The following LARS2 variants were observed in gnomAD, a reference collection of about 807,000 sequenced individuals.
LARS2 encodes leucyl-tRNA synthetase 2, mitochondrial.
In LARS2, 81 loss-of-function variants were observed where a neutral mutation model predicts 116.6. The ratio of observed to expected loss-of-function variants is 0.69; its 90% CI spans 0.58 to 0.84. LARS2 has a LOEUF of 0.84. LARS2 is among the 40% of genes least tolerant of loss of function. LARS2 has a pLI of 0.00. For synonymous variants in LARS2, 396 were observed against 407.2 expected (o/e 0.97, Z 0.33); for missense variants, 968 against 1,114.5 (o/e 0.87, Z 1.87).
chr3:45,501,849 A>G (rs966657739), intron 15 of LARS2, among the ~76,000 whole-genome samples: 31 of 149,804 alleles, frequency 2.1e-4, no homozygotes, highest in Middle Eastern at 3.4e-3. Flanking sequence ...GTACTATCCA[A>G]CTTTTAAATT....
At chr3:45,484,630 A>ATATATATATATATAT (rs1313520791) in intron 10 of LARS2, among the ~76,000 whole-genome samples, 3 of 9,744 alleles carry the variant, frequency 3.1e-4, no homozygotes, top group East Asian at 8.5e-3. Context: ...AAAAAAAAAA[A>ATATATATATATATAT]ATATATATAT....
At chr3:45,542,458 G>A (rs139054315) in intron 21 of LARS2, among the ~76,000 whole-genome samples, 1 of 152,288 alleles carries the variant, frequency 6.6e-6, no homozygotes, top group East Asian at 1.9e-4. Flanking sequence ...CCCTTTCTAA[G>A]AGCAAGTAAC....
intron 4 of LARS2, among the ~76,000 whole-genome samples, chr3:45,414,384 AT>A (rs1415750660): frequency 6.6e-6 from 1 of 152,180 alleles, no homozygotes; most frequent in Admixed American, 6.5e-5. Flanking sequence ...ATTTTCTTCT[AT>A]TTTTCTCTAC....
intron 5 of LARS2, among the ~76,000 whole-genome samples, 189 bp downstream of exon 5, chr3:45,417,762 G>T (rs577200221): frequency 6.6e-6 from 1 of 152,182 alleles, no homozygotes. Flanking sequence ...ATTCAGAGAG[G>T]GTTTTGGATA....
At chr3:45,454,616 A>T (rs1181351607) in intron 7 of LARS2, among the ~76,000 whole-genome samples, 1 of 152,234 alleles carries the variant, frequency 6.6e-6, no homozygotes, top group Non-Finnish European at 1.5e-5. Flanking sequence ...AAGGCTAGTT[A>T]ACTACAAAGG....
At position 45,458,891 on chromosome 3, in the gene LARS2, G is replaced by T; in HGVS notation, c.750+5G>T. On this transcript the variant is annotated splice_donor_5th_base_variant and intron_variant, in intron 8 of 21. Coordinates refer to ENST00000645846, the MANE Select transcript of LARS2 (RefSeq NM_015340.4). ...AAGACAACCGCTTATGCAAAGGTGA[G>T]TGTCAGCCTGGAGGCTCCCCACTAA... 6.2e-7 allele frequency: 1 copy of T among 1,613,832 alleles called. No individual in the cohort carries two copies. Among genetic ancestry groups the T allele is most frequent in the African/African-American group, 1.3e-5 (1 of 75,030 alleles).
At position 45,516,241 on chromosome 3, in the gene LARS2, C is replaced by T. The variant is rs1700368258; in HGVS notation, c.2009C>T (p.Ala670Val). 1 of 1,613,914 alleles carries T rather than the reference C, an allele frequency of 6.2e-7. No individual in the cohort carries two copies. Among genetic ancestry groups the T allele is most frequent in the East Asian group, 2.2e-5 (1 of 44,884 alleles). Residue 670 changes from alanine (A) to valine (V), a missense_variant, in exon 17 of 22, where the codon GCC (alanine) becomes GTC (valine). By Grantham distance (64) the Ala-to-Val change is moderately conservative. Coordinates refer to ENST00000645846, the MANE Select transcript of LARS2 (RefSeq NM_015340.4). ...DTIRLYILFA[A>V]PPEKDILWDV... ...ATTCGGCTCTACATCCTTTTTGCTG[C>T]CCCTCCTGAGAAGGATATCTTGTGG... is the stretch of plus-strand genomic sequence containing the variant.
chr3:45,406,383 A>C, intron 4 of LARS2, among the ~76,000 whole-genome samples: 1 of 152,204 alleles, frequency 6.6e-6, no homozygotes, highest in Non-Finnish European at 1.5e-5. Context: ...GTTCTGATGT[A>C]AGTGCTCTCC....
chr3:45,535,830 A>G (rs892818864), intron 20 of LARS2, among the ~76,000 whole-genome samples: 6 of 152,124 alleles, frequency 3.9e-5, no homozygotes, highest in East Asian at 1.9e-4. Flanking sequence ...AGCTCTGTGG[A>G]TTGCATTCAT....
chr3:45,451,584 C>G (rs1385558791), intron 7 of LARS2, among the ~76,000 whole-genome samples: 1 of 152,056 alleles, frequency 6.6e-6, no homozygotes, highest in African/African-American at 2.4e-5. Flanking sequence ...ATGGCAGTAC[C>G]ATGCTTTTTG....
chr3:45,467,258 T>C (rs771524318), intron 8 of LARS2, among the ~76,000 whole-genome samples: 2 of 152,180 alleles, frequency 1.3e-5, no homozygotes, highest in Non-Finnish European at 2.9e-5. Flanking sequence ...AGGAAGCAAA[T>C]AGTCATTAAC....
At chr3:45,478,931 T>G (rs943641994) in intron 10 of LARS2, among the ~76,000 whole-genome samples, 31 of 152,332 alleles carry the variant, frequency 2.0e-4, no homozygotes, top group Middle Eastern at 3.4e-3. Flanking sequence ...CCTTTGGGAT[T>G]ACATTTTAAA....
chr3:45,440,202 T>A (rs1312126361), intron 6 of LARS2, among the ~76,000 whole-genome samples: 2 of 152,194 alleles, frequency 1.3e-5, no homozygotes, highest in African/African-American at 2.4e-5. Context: ...ATTGTTATTT[T>A]CTCTTTTAAG....
intron 7 of LARS2, 45 bp from the exon 8 acceptor site, chr3:45,458,698 A>AG: frequency 6.3e-7 from 1 of 1,595,924 alleles, no homozygotes. Flanking sequence ...AAAAAAAAAA[A>AG]GAGTACTCAC....
chr3:45,470,782 T>C (rs565826015), intron 8 of LARS2, among the ~76,000 whole-genome samples: 1 of 152,110 alleles, frequency 6.6e-6, no homozygotes, highest in Non-Finnish European at 1.5e-5. Flanking sequence ...TAGGGAAGTA[T>C]TGAGGAATTA....
chr3:45,496,132 T>TAA (rs1700007227), intron 13 of LARS2, 143 bp from the exon 14 acceptor site: 1 of 632,274 alleles, frequency 1.6e-6, no homozygotes, highest in Non-Finnish European at 2.8e-6. Context: ...GTGCTGGGAT[T>TAA]ACAAGCGTGA....
intron 7 of LARS2, among the ~76,000 whole-genome samples, chr3:45,457,941 A>C (rs1699240431): frequency 6.6e-6 from 1 of 152,198 alleles, no homozygotes; most frequent in Non-Finnish European, 1.5e-5. Context: ...CAGAGCTCAG[A>C]AGAGCTACCA....
intron 4 of LARS2, among the ~76,000 whole-genome samples, chr3:45,404,919 TCTTA>T (rs1260135676): frequency 1.3e-5 from 2 of 152,120 alleles, no homozygotes; most frequent in Non-Finnish European, 2.9e-5. Flanking sequence ...CCATTTAAAT[TCTTA>T]CTTCTACCAT....
Position 45,430,003 on chromosome 3 carries a change from C to CTTTTTTTTTTT in LARS2, c.516+10290_516+10300dup, listed in dbSNP as rs66989698. On this transcript the variant is annotated intron_variant, in intron 6 of 21. Transcript: ENST00000645846. ...AGGCATGAGCCACCATGCCCAGCCT[C>CTTTTTTTTTTT]TTTTTTTTTTTTTTTTTTTTTTTTT... 7.0e-5 allele frequency among the ~76,000 whole-genome samples: 4 copies of CTTTTTTTTTTT among 56,952 alleles called. 1 individual carries two copies. The highest frequency in any genetic ancestry group is 6.7e-4 in the East Asian group (1 of 1,496). The allele number at this position is 56,952 out of a possible 152,430, so 37.4% of individuals were successfully genotyped here.
Sources: allele counts gnomAD v4.1 joint callset (sites outside exome capture counted in the v4.1 genomes callset), GRCh38; gene constraint gnomAD v4.1.1; transcripts MANE v1.5; gene names NCBI Gene and HGNC (gene_info 2026-07-23, HGNC 2026-07-21).